Variants in FHIT observed in about 807,000 individuals in gnomAD.
The protein encoded by FHIT is fragile histidine triad diadenosine triphosphatase.
In FHIT, 19 loss-of-function variants were observed where a neutral mutation model predicts 17.9. That is an observed-to-expected ratio of 1.06 (90% CI 0.74 to 1.56). The LOEUF (loss-of-function observed/expected upper bound fraction) is 1.56. Among genes scored for constraint, FHIT ranks in the 40% most tolerant of loss-of-function variants. FHIT has a pLI of 0.00. For synonymous variants in FHIT, 81 were observed against 69.7 expected, an observed-to-expected ratio of 1.16 and a Z score of -0.81; for missense variants, 248 against 189.2, an observed-to-expected ratio of 1.31 and a Z score of -1.82.
At position 60,509,810 on chromosome 3, in the gene FHIT, G is replaced by A. The variant is rs78875165; in HGVS notation, c.103+27050C>T. On this transcript the variant is annotated intron_variant, in intron 5 of 9. Transcript: ENST00000492590. The stretch of plus-strand genomic sequence containing the variant: ...AAACTACCCAATAAGTCTCTTTAAC[G>A]TTATGGATATAGTCTTTCTAAGGAA... Among the ~76,000 whole-genome samples the A allele has an allele frequency of 3.5e-3, 529 of 152,222 alleles. 10 individuals carry two copies. In the South Asian group the frequency reaches 0.056, roughly 16 times the overall value.
At chr3:59,836,638 G>A (rs1364899784) in intron 8 of FHIT, among the ~76,000 whole-genome samples, 1 of 152,162 alleles carries the variant, frequency 6.6e-6, no homozygotes, top group African/African-American at 2.4e-5. Flanking sequence ...AGTATGGGCT[G>A]AACAGGCTCA....
chr3:60,296,167 A>G (rs564402392), intron 5 of FHIT, among the ~76,000 whole-genome samples: 9 of 152,174 alleles, frequency 5.9e-5, no homozygotes, highest in African/African-American at 1.9e-4. Context: ...TAAATTACCA[A>G]TCTTCGGTAT....
intron 5 of FHIT, among the ~76,000 whole-genome samples, chr3:60,072,161 G>T (rs1398958843): frequency 1.3e-5 from 2 of 152,226 alleles, no homozygotes; most frequent in Non-Finnish European, 2.9e-5. Context: ...GCCTTAGCCT[G>T]ATGACAACAG....
At chr3:60,573,425 A>G (rs959288807) in intron 4 of FHIT, among the ~76,000 whole-genome samples, 12 of 152,156 alleles carry the variant, frequency 7.9e-5, no homozygotes, top group African/African-American at 2.7e-4. Context: ...TTGGATCTCC[A>G]AACTAAAAAC....
chr3:61,129,005 C>T (rs1455248818), intron 2 of FHIT, among the ~76,000 whole-genome samples: 3 of 152,088 alleles, frequency 2.0e-5, no homozygotes, highest in Non-Finnish European at 4.4e-5. Flanking sequence ...GTAAGGAGGG[C>T]AAGCAAGGCA....
intron 4 of FHIT, among the ~76,000 whole-genome samples, chr3:60,731,227 C>T (rs1435614579): frequency 2.6e-5 from 4 of 152,152 alleles, no homozygotes; most frequent in Non-Finnish European, 4.4e-5. Context: ...AAGAATGTTA[C>T]CAGCAGTGAA....
At chr3:60,009,816 G>A (rs1479547149) in intron 7 of FHIT, among the ~76,000 whole-genome samples, 1 of 152,090 alleles carries the variant, frequency 6.6e-6, no homozygotes, top group Non-Finnish European at 1.5e-5. Flanking sequence ...CCAGTCCCTG[G>A]CAACCACTAA....
chr3:60,416,812 T>C (rs2687180), intron 5 of FHIT, among the ~76,000 whole-genome samples: 141,857 of 152,038 alleles, frequency 0.93, 66,730 homozygotes, highest in East Asian at 1. Flanking sequence ...ACAGGCCGGG[T>C]GCGGCAGCTG....
At chr3:60,853,747 C>T (rs1346622643) in intron 3 of FHIT, among the ~76,000 whole-genome samples, 1 of 152,082 alleles carries the variant, frequency 6.6e-6, no homozygotes, top group Non-Finnish European at 1.5e-5. Context: ...AGTTAGTAAA[C>T]CTGCAAATCC....
intron 2 of FHIT, among the ~76,000 whole-genome samples, chr3:61,188,957 C>T (rs541854473): frequency 6.6e-6 from 1 of 151,990 alleles, no homozygotes; most frequent in Admixed American, 6.6e-5. Flanking sequence ...CTATCTATGA[C>T]AAACCCACAG....
chr3:61,098,752 G>A (rs34747779), intron 2 of FHIT, among the ~76,000 whole-genome samples: 50,156 of 152,054 alleles, frequency 0.33, 10,476 homozygotes, highest in Non-Finnish European at 0.46. Flanking sequence ...CTCTCGGCTT[G>A]ACTATTGTTG....
At chr3:60,290,917 T>TGGGGGCTGGAGGAGTGAAGTCC (rs1264497967) in intron 5 of FHIT, among the ~76,000 whole-genome samples, 3 of 152,148 alleles carry the variant, frequency 2.0e-5, no homozygotes, top group African/African-American at 7.2e-5. Flanking sequence ...AGGCAGCTCA[T>TGGGGGCTGGAGGAGTGAAGTCC]GGGGGCTGGA....
chr3:60,358,275 C>T lies in FHIT; in HGVS notation c.103+178585G>A, dbSNP rs949662238. 3.9e-5 allele frequency among the ~76,000 whole-genome samples: 6 copies of T among 152,098 alleles called. No individual in the cohort carries two copies. The East Asian group carries it at 1.2e-3, about 29-fold the overall frequency. On this transcript the variant is annotated intron_variant, in intron 5 of 9. Transcript: ENST00000492590. ...ACTCATTTTAGAGAACAATCCTTTC[C>T]AGCCACTATTTGGAGATTTTGATAC...
intron 3 of FHIT, among the ~76,000 whole-genome samples, chr3:60,842,619 ATATATGAGTGTATATATATATATATATT>A (rs1702763439): frequency 8.9e-6 from 1 of 112,322 alleles, no homozygotes; most frequent in Non-Finnish European, 1.8e-5. Context: ...ATATACATAT[ATATATGAGTGTATATATATATATATATT>A]TTTTTTTTTT....
At position 60,083,268 on chromosome 3, in the gene FHIT, G is replaced by T. The variant is rs570915470; in HGVS notation, c.104-69116C>A. On this transcript the variant is annotated intron_variant, in intron 5 of 9. Coordinates refer to ENST00000492590, the MANE Select transcript of FHIT (RefSeq NM_002012.4). ...ACTTTGTCAAGATCAGGCAGTTGGA[G>T]GTGTGAGGTTTTATTTCTGGGTTTT... is the stretch of plus-strand genomic sequence containing the variant. Among the ~76,000 whole-genome samples the T allele has an allele frequency of 1.3e-3, 194 of 152,202 alleles. 1 individual carries two copies. Among genetic ancestry groups the T allele is most frequent in the African/African-American group, 3.8e-3 (157 of 41,538 alleles).
intron 4 of FHIT, among the ~76,000 whole-genome samples, chr3:60,687,167 T>A (rs938664252): frequency 2.0e-5 from 3 of 152,218 alleles, no homozygotes; most frequent in Non-Finnish European, 4.4e-5. Flanking sequence ...CTCCTATTTC[T>A]AGCTCATTAA....
intron 5 of FHIT, among the ~76,000 whole-genome samples, chr3:60,173,182 T>C (rs78841227): frequency 6.6e-6 from 1 of 152,276 alleles, no homozygotes; most frequent in East Asian, 1.9e-4. Flanking sequence ...CATCCAAAGC[T>C]AGCCTCTCAG....
chr3:59,836,119 C>T (rs1468068962), intron 8 of FHIT, among the ~76,000 whole-genome samples: 1 of 152,024 alleles, frequency 6.6e-6, no homozygotes, highest in Non-Finnish European at 1.5e-5. Flanking sequence ...ACAAAGAAGA[C>T]TCAAGTCAAG....
intron 5 of FHIT, among the ~76,000 whole-genome samples, chr3:60,118,774 CGGGGG>C (rs370446368): frequency 4.5e-5 from 3 of 66,042 alleles, no homozygotes; most frequent in Admixed American, 1.8e-4. Flanking sequence ...GTGGGGGCGG[CGGGGG>C]GGGGGGGGTG....
Sources: allele counts gnomAD v4.1 joint callset (sites outside exome capture counted in the v4.1 genomes callset), GRCh38; gene constraint gnomAD v4.1.1; transcripts MANE v1.5; gene names NCBI Gene and HGNC (gene_info 2026-07-23, HGNC 2026-07-21).